ZNF114: variants seen among roughly 807,000 people sequenced by gnomAD.
The protein encoded by ZNF114 is zinc finger protein 114.
Under a neutral mutation model 6.8 loss-of-function variants are expected in ZNF114, and 8 were observed. The observed-to-expected ratio is 1.18, with a 90% confidence interval of 0.69 to 2.13. The LOEUF is 2.13. Among genes scored for constraint, ZNF114 ranks in the 30% most tolerant of loss-of-function variants. The pLI is 0.00. For synonymous variants in ZNF114, 169 were observed against 185.5 expected, an observed-to-expected ratio of 0.91 and a Z score of 0.72; for missense variants, 472 against 519.5, an observed-to-expected ratio of 0.91 and a Z score of 0.89.
At chr19:48,270,761 GAGAAAGAAAGAA>G (rs142099276) in intron 1 of ZNF114, among the ~76,000 whole-genome samples, 29 of 149,892 alleles carry the variant, frequency 1.9e-4, no homozygotes, top group Admixed American at 1.0e-3. Flanking sequence ...AGAGAAAAAA[GAGAAAGAAAGAA>G]AGAAAGAAAG....
rs575936781 is a variant in ZNF114, at chr19:48,282,460, C to T, written c.99C>T (p.Asp33=). The change falls in exon 5 of 6, where the codon GAC becomes GAT. Residue 33 remains aspartate (D), a synonymous_variant. Coordinates refer to ENST00000595607, the MANE Select transcript of ZNF114 (RefSeq NM_153608.4). Reference sequence around the variant, plus strand: ...CAGCTCAGAGGAATCTCTACAGAGACGTGATGCTGGAAAATTCTAGGAACT... The same window carrying T: ...CAGCTCAGAGGAATCTCTACAGAGATGTGATGCTGGAAAATTCTAGGAACT... The part of the protein sequence containing the change: ...LDPAQRNLYR[D]VMLENSRNLA... 4.1e-5 allele frequency: 66 copies of T among 1,610,538 alleles called. No homozygotes were observed. The highest frequency in any genetic ancestry group is 1.8e-5 in the Non-Finnish European group (21 of 1,177,852).
intron 3 of ZNF114, among the ~76,000 whole-genome samples, chr19:48,277,794 G>GGGTGTGTGTGTGT (rs1330052475): frequency 1.0e-3 from 121 of 119,408 alleles, no homozygotes; most frequent in African/African-American, 3.9e-3. Context: ...GGAGGCATTG[G>GGGTGTGTGTGTGT]GTGTGTGTGT....
At chr19:48,283,922 C>T (rs527939799) in intron 5 of ZNF114, among the ~76,000 whole-genome samples, 4 of 152,044 alleles carry the variant, frequency 2.6e-5, no homozygotes, top group Admixed American at 6.6e-5. Flanking sequence ...TTAGTAGAGA[C>T]GGGGTTTCAC....
intron 5 of ZNF114, among the ~76,000 whole-genome samples, chr19:48,285,500 G>C (rs985798503): frequency 2.0e-5 from 3 of 149,720 alleles, no homozygotes; most frequent in Non-Finnish European, 3.0e-5. Flanking sequence ...TCTGTCTAAA[G>C]AAAAGAGAGA....
At position 48,282,498 on chromosome 19, in the gene ZNF114, G is replaced by T. The variant is rs937541371; in HGVS notation, c.136+1G>T. The T allele has an allele frequency of 6.2e-7, 1 of 1,608,542 alleles. No homozygotes were observed. Among genetic ancestry groups the T allele is most frequent in the South Asian group, 1.1e-5 (1 of 90,826 alleles). ...AATTCTAGGAACTTGGCATTCATAG[G>T]TAAGGAGGCCCCCTTCCTGCACTTA... is the stretch of plus-strand genomic sequence containing the variant. On this transcript the variant is annotated splice_donor_variant, in intron 5 of 5. Coordinates refer to ENST00000595607, the MANE Select transcript of ZNF114 (RefSeq NM_153608.4). LOFTEE classifies it high-confidence loss of function.
In ZNF114 at chr19:48,282,494, A is replaced by C; in HGVS notation, c.133A>C (p.Ile45Leu). 1 of 1,609,158 alleles carries C rather than the reference A, an allele frequency of 6.2e-7. No homozygotes were observed. Among genetic ancestry groups the C allele is most frequent in the Non-Finnish European group, 8.5e-7 (1 of 1,176,336 alleles). The change falls in exon 5 of 6, where the codon ATA (isoleucine) becomes CTA (leucine). Residue 45 changes from isoleucine to leucine, a missense_variant. Ile to Leu is a conservative substitution (Grantham distance 5). Coordinates refer to ENST00000595607, the MANE Select transcript of ZNF114 (RefSeq NM_153608.4). ...GGAAAATTCTAGGAACTTGGCATTC[A>C]TAGGTAAGGAGGCCCCCTTCCTGCA... ...MLENSRNLAF[I>L]DWATPCKTKD...
chr19:48,285,775 T>G lies in ZNF114; in HGVS notation c.151T>G (p.Cys51Gly). The change falls in exon 6 of 6, where the codon TGT (cysteine) becomes GGT (glycine). Residue 51 changes from cysteine to glycine, a missense_variant. Physicochemically the swap from Cys to Gly is radical, Grantham distance 159. Transcript: ENST00000595607. ...NLAFIDWATP[C>G]KTKDATPQPD... ...CTGTATTTCAGATTGGGCAACTCCA[T>G]GTAAAACCAAAGACGCAACCCCTCA... is the stretch of plus-strand genomic sequence containing the variant. 6.2e-7 allele frequency: 1 copy of G among 1,607,346 alleles called. No homozygotes were observed. Among genetic ancestry groups the G allele is most frequent in the Non-Finnish European group, 8.5e-7 (1 of 1,177,988 alleles).
chr19:48,286,693 CAGA>C lies in ZNF114; in HGVS notation c.1075_1077del (p.Lys359del). ...TAAACATTTAAGAAAGCATGTTGTG[CAGA>C]AGAAGCCCTACGAATGTGAAGAATG... On this transcript the variant is annotated inframe_deletion, in exon 6 of 6. Transcript: ENST00000595607. The C allele has an allele frequency of 1.2e-6, 2 of 1,612,698 alleles. No homozygotes were observed. The highest frequency in any genetic ancestry group is 1.7e-6 in the Non-Finnish European group (2 of 1,179,696).
chr19:48,279,866 G>T (rs1967946419), intron 4 of ZNF114, 58 bp downstream of exon 4: 11 of 1,612,872 alleles, frequency 6.8e-6, no homozygotes, highest in East Asian at 2.2e-5. Context: ...GAGTCAATGT[G>T]CCTCTGCCTG....
In ZNF114 at chr19:48,286,166, G is replaced by A. The variant is rs1968122353; in HGVS notation, c.542G>A (p.Gly181Glu). 5 of 1,614,048 alleles carry A rather than the reference G, an allele frequency of 3.1e-6. No homozygotes were observed. The highest frequency in any genetic ancestry group is 4.2e-6 in the Non-Finnish European group (5 of 1,180,044). Residue 181 changes from glycine to glutamate, a missense_variant, in exon 6 of 6, where the codon GGG becomes GAG. Physicochemically the swap from Gly to Glu is moderately conservative, Grantham distance 98 (BLOSUM62 -2). Coordinates refer to ENST00000595607, the MANE Select transcript of ZNF114 (RefSeq NM_153608.4). The part of the protein sequence containing the change: ...HENNEDDGVL[G>E]WNIQWVPCGR... ...AACAACGAAGACGATGGAGTCTTGG[G>A]GTGGAACATTCAGTGGGTTCCGTGT...
intron 4 of ZNF114, among the ~76,000 whole-genome samples, chr19:48,280,536 C>T (rs1967961479): frequency 6.6e-6 from 1 of 150,834 alleles, no homozygotes; most frequent in African/African-American, 2.4e-5. Flanking sequence ...CTGAGACGTG[C>T]CCCACTCCAA....
At position 48,286,276 on chromosome 19, in the gene ZNF114, G is replaced by T. The variant is rs140811022; in HGVS notation, c.652G>T (p.Ala218Ser). 1.1e-4 allele frequency: 174 copies of T among 1,614,174 alleles called. No homozygotes were observed. The African/African-American group carries it at 2.2e-3, about 21-fold the overall frequency. Residue 218 changes from alanine (A) to serine (S), a missense_variant, in exon 6 of 6, where the codon GCC (alanine) becomes TCC (serine). Physicochemically the swap from Ala to Ser is moderately conservative, Grantham distance 99. Transcript: ENST00000595607. ...HHIRDEIDTG[A>S]NRHQRNPFGK... ...TATACGTGATGAAATTGATACGGGG[G>T]CCAACAGGCACCAGCGGAATCCATT...
Position 48,285,809 on chromosome 19 carries a change from T to G in ZNF114, c.185T>G (p.Ile62Ser), listed in dbSNP as rs969558753. The change falls in exon 6 of 6, where the codon ATT (isoleucine) becomes AGT (serine). Residue 62 changes from isoleucine to serine, a missense_variant. Physicochemically the swap from Ile to Ser is moderately radical, Grantham distance 142. Transcript: ENST00000595607. Reference protein sequence around the residue: ...KTKDATPQPDILPKRTFPEAN... With the variant: ...KTKDATPQPDSLPKRTFPEAN... Reference sequence around the variant, plus strand: ...AAAGACGCAACCCCTCAGCCGGATATTCTTCCTAAAAGAACATTTCCTGAA... The same window carrying G: ...AAAGACGCAACCCCTCAGCCGGATAGTCTTCCTAAAAGAACATTTCCTGAA... 1.7e-5 allele frequency: 28 copies of G among 1,613,664 alleles called. No homozygotes were observed. The highest frequency in any genetic ancestry group is 8.4e-5 in the Admixed American group (5 of 59,864).
chr19:48,286,858 G>C lies in ZNF114; in HGVS notation c.1234G>C (p.Asp412His). Reference protein sequence around the residue: ...GLKKHLKTHKDEKPCE With the variant: ...GLKKHLKTHKHEKPCE ...TAAAAAACATCTTAAGACTCACAAA[G>C]ATGAGAAGCCCTGTGAATGAAAGGA... The change falls in exon 6 of 6, where the codon GAT becomes CAT. Residue 412 changes from aspartate (D) to histidine (H), a missense_variant. Asp to His is a moderately conservative substitution (Grantham distance 81). Transcript: ENST00000595607. The C allele has an allele frequency of 6.4e-7, 1 of 1,565,354 alleles. No homozygotes were observed. The highest frequency in any genetic ancestry group is 1.2e-5 in the South Asian group (1 of 82,626).
intron 4 of ZNF114, chr19:48,282,039 G>T (rs1170783726): frequency 1.4e-5 from 3 of 222,070 alleles, no homozygotes; most frequent in Non-Finnish European, 2.7e-5. Context: ...GGGACTAAAG[G>T]CACCCGCCAC....
At chr19:48,272,226 C>T (rs945777643) in intron 3 of ZNF114, among the ~76,000 whole-genome samples, 14 of 152,138 alleles carry the variant, frequency 9.2e-5, no homozygotes, top group African/African-American at 3.4e-4. Context: ...GCCTGGCCAA[C>T]ATGGTGAAAC....
chr19:48,272,792 C>CTTTTT lies in ZNF114; in HGVS notation c.-70+981_-70+985dup, dbSNP rs1170280344. ...TGCACTGGTTTCTTACGAGAAAGAG[C>CTTTTT]TTTTTTTTTTTTTTTTTTTTTGAGA... On this transcript the variant is annotated intron_variant, in intron 3 of 5. Transcript: ENST00000595607. 4.4e-4 allele frequency among the ~76,000 whole-genome samples: 37 copies of CTTTTT among 83,782 alleles called. 2 individuals are homozygous for CTTTTT. The highest frequency in any genetic ancestry group is 1.3e-3 in the African/African-American group (27 of 20,036). 55.0% of individuals were successfully genotyped at this position (83,782 alleles called of 152,430 possible).
chr19:48,275,969 G>A (rs1415223341), intron 3 of ZNF114, among the ~76,000 whole-genome samples: 1 of 145,708 alleles, frequency 6.9e-6, no homozygotes, highest in Non-Finnish European at 1.5e-5. Context: ...GTGACAGAGT[G>A]AGACTCCATC....
At chr19:48,284,934 G>A (rs928311555) in intron 5 of ZNF114, among the ~76,000 whole-genome samples, 9 of 152,054 alleles carry the variant, frequency 5.9e-5, no homozygotes, top group African/African-American at 1.7e-4. Context: ...TCCAGCACCT[G>A]GGCAACCTAG....
Sources: allele counts gnomAD v4.1 joint callset (sites outside exome capture counted in the v4.1 genomes callset), GRCh38; gene constraint gnomAD v4.1.1; transcripts MANE v1.5; gene names NCBI Gene and HGNC (gene_info 2026-07-23, HGNC 2026-07-21).